The following RGS7BP variants were observed in gnomAD, a reference collection of about 807,000 sequenced individuals.
RGS7BP encodes the protein regulator of G protein signaling 7-binding protein.
In RGS7BP, 9 loss-of-function variants were observed where a neutral mutation model predicts 31.3. The observed-to-expected ratio is 0.29, with a 90% CI of 0.17 to 0.50. RGS7BP has a LOEUF of 0.50. Among genes scored for constraint, RGS7BP ranks in the 20% least tolerant of loss-of-function variants. RGS7BP has a pLI of 0.98. For missense variants in RGS7BP, 274 were observed against 322.0 expected (o/e 0.85, Z 1.14); for synonymous variants, 115 against 120.1 (o/e 0.96, Z 0.28).
chr5:64,604,770 T>C (rs920107693), intron 5 of RGS7BP, among the ~76,000 whole-genome samples: 4 of 152,132 alleles, frequency 2.6e-5, no homozygotes, highest in African/African-American at 9.7e-5. Flanking sequence ...AGTAGAAGCA[T>C]TCCTTATCAC....
At chr5:64,580,639 C>A (rs1389873921) in intron 3 of RGS7BP, among the ~76,000 whole-genome samples, 2 of 151,416 alleles carry the variant, frequency 1.3e-5, no homozygotes, top group East Asian at 3.9e-4. Context: ...CATATCTTAG[C>A]AAAAATGACC....
chr5:64,609,448 A>G lies in RGS7BP; in HGVS notation c.*196A>G. On this transcript the variant is annotated 3_prime_UTR_variant, in exon 6 of 6. Transcript: ENST00000334025. ...AGCTGCCGTCAAGAAAAAAAAGAAC[A>G]GATTCAAAAACCAGGCTGTTTTTAA... 5.4e-6 allele frequency: 3 copies of G among 551,902 alleles called. No homozygotes were observed. The highest frequency in any genetic ancestry group is 9.8e-6 in the Non-Finnish European group (3 of 306,654). 34.2% of individuals were successfully genotyped at this position (551,902 alleles called of 1,614,324 possible).
chr5:64,527,265 C>G (rs272641), intron 2 of RGS7BP, among the ~76,000 whole-genome samples: 99,327 of 152,112 alleles, frequency 0.65, 32,860 homozygotes, highest in East Asian at 0.95. Flanking sequence ...CCTAATCCTG[C>G]AGCAAATTAG....
chr5:64,544,786 C>T (rs1741611239), intron 2 of RGS7BP, among the ~76,000 whole-genome samples: 1 of 152,126 alleles, frequency 6.6e-6, no homozygotes, highest in African/African-American at 2.4e-5. Context: ...TGCAATAAAT[C>T]ATGGTATATT....
At chr5:64,510,540 G>A (rs73109032) in intron 2 of RGS7BP, among the ~76,000 whole-genome samples, 5,481 of 152,284 alleles carry the variant, frequency 0.036, 266 homozygotes, top group African/African-American at 0.11. Flanking sequence ...GACTGGAGGC[G>A]AGAGCAGGTA....
intron 2 of RGS7BP, among the ~76,000 whole-genome samples, chr5:64,574,675 A>C (rs928147772): frequency 2.0e-5 from 3 of 152,206 alleles, no homozygotes; most frequent in Non-Finnish European, 4.4e-5. Context: ...ATAAGTATTG[A>C]AAATGAAAAG....
chr5:64,545,563 A>G lies in RGS7BP; in HGVS notation c.333-30211A>G, dbSNP rs184145581. ...AATAAGTGAAAAGGGGGCAAAACTT[A>G]GGAGGATGCCTGCATAATTTATGTG... is the stretch of plus-strand genomic sequence containing the variant. On this transcript the variant is annotated intron_variant, in intron 2 of 5. Coordinates refer to ENST00000334025, the MANE Select transcript of RGS7BP (RefSeq NM_001029875.3). 1.1e-3 allele frequency among the ~76,000 whole-genome samples: 161 copies of G among 152,360 alleles called. 2 individuals are homozygous for G. The highest frequency in any genetic ancestry group is 3.5e-3 in the African/African-American group (144 of 41,592).
At chr5:64,576,927 T>C (rs1006621487) in intron 3 of RGS7BP, among the ~76,000 whole-genome samples, 5 of 152,186 alleles carry the variant, frequency 3.3e-5, no homozygotes, top group African/African-American at 1.2e-4. Flanking sequence ...AGGCTGTGCA[T>C]AGAAGGTAAT....
At position 64,561,932 on chromosome 5, in the gene RGS7BP, C is replaced by T. The variant is rs147083431; in HGVS notation, c.333-13842C>T. ...TTTCATTCTGTTTCACCTAATGGTG[C>T]ATTATAATTCATCATTAAGAAAGAA... On this transcript the variant is annotated intron_variant, in intron 2 of 5. Transcript: ENST00000334025. Among the ~76,000 whole-genome samples, 369 of 152,072 alleles carry T rather than the reference C, an allele frequency of 2.4e-3. 2 individuals are homozygous for T. Among genetic ancestry groups the T allele is most frequent in the Middle Eastern group, 6.8e-3 (2 of 294 alleles).
intron 2 of RGS7BP, among the ~76,000 whole-genome samples, chr5:64,559,534 G>A (rs1742003680): frequency 6.6e-6 from 1 of 152,132 alleles, no homozygotes; most frequent in Admixed American, 6.6e-5. Context: ...TTTCTTAAAT[G>A]TAAATATCTC....
intron 5 of RGS7BP, among the ~76,000 whole-genome samples, chr5:64,608,005 C>T (rs1220679905): frequency 1.3e-5 from 2 of 152,084 alleles, no homozygotes; most frequent in Non-Finnish European, 2.9e-5. Context: ...CTAACTTCTG[C>T]TTCTGTGCCC....
intron 3 of RGS7BP, among the ~76,000 whole-genome samples, chr5:64,582,874 G>A (rs985429026): frequency 6.6e-6 from 1 of 152,052 alleles, no homozygotes; most frequent in Non-Finnish European, 1.5e-5. Context: ...AAAGAAGCCA[G>A]CAAAATAAAG....
rs559507186 is a variant in RGS7BP, at chr5:64,522,414, T to G, written c.332+14537T>G. ...AACCAGAACATGATTCAGCCCTCAC[T>G]AAAGACTCTCTATATAGGGAAGAAC... On this transcript the variant is annotated intron_variant, in intron 2 of 5. Coordinates refer to ENST00000334025, the MANE Select transcript of RGS7BP (RefSeq NM_001029875.3). 3.3e-5 allele frequency among the ~76,000 whole-genome samples: 5 copies of G among 152,292 alleles called. No homozygotes were observed. In the Middle Eastern group the frequency reaches 0.014, roughly 414 times the overall value.
At position 64,510,276 on chromosome 5, in the gene RGS7BP, G is replaced by C. The variant is rs140328483; in HGVS notation, c.332+2399G>C. Among the ~76,000 whole-genome samples the C allele has an allele frequency of 1.3e-3, 205 of 152,312 alleles. 2 individuals carry two copies. Among genetic ancestry groups the C allele is most frequent in the African/African-American group, 4.2e-3 (174 of 41,578 alleles). ...AACTTGCCCAAAGTCACACAGCTAA[G>C]AAGTGACACAGCTTTGATTCAGCCC... On this transcript the variant is annotated intron_variant, in intron 2 of 5. Transcript: ENST00000334025.
chr5:64,539,719 G>A (rs887096176), intron 2 of RGS7BP: 7 of 152,136 alleles, frequency 4.6e-5, no homozygotes, highest in Admixed American at 3.3e-4. Context: ...CAGAACTCCT[G>A]CGCTGATCAT....
chr5:64,590,713 A>G (rs138246937), intron 3 of RGS7BP, among the ~76,000 whole-genome samples: 1 of 152,152 alleles, frequency 6.6e-6, no homozygotes, highest in Non-Finnish European at 1.5e-5. Flanking sequence ...AGTACAGTGA[A>G]GGAGAACTTT....
chr5:64,568,369 G>C (rs1231096502), intron 2 of RGS7BP, among the ~76,000 whole-genome samples: 1 of 152,040 alleles, frequency 6.6e-6, no homozygotes, highest in African/African-American at 2.4e-5. Flanking sequence ...GAGAATCAAA[G>C]GGAAAAATGG....
At chr5:64,527,532 C>T (rs56401513) in intron 2 of RGS7BP, among the ~76,000 whole-genome samples, 3,369 of 141,920 alleles carry the variant, frequency 0.024, 130 homozygotes, top group African/African-American at 0.083. Flanking sequence ...CTCTTGGTTG[C>T]GGTTTTCATA....
chr5:64,544,809 G>C (rs573322582), intron 2 of RGS7BP, among the ~76,000 whole-genome samples: 4 of 152,184 alleles, frequency 2.6e-5, no homozygotes, highest in Non-Finnish European at 5.9e-5. Context: ...ATCTAAGGCC[G>C]TAGTAATCAA....
Sources: allele counts gnomAD v4.1 joint callset (sites outside exome capture counted in the v4.1 genomes callset), GRCh38; gene constraint gnomAD v4.1.1; transcripts MANE v1.5; gene names NCBI Gene and HGNC (gene_info 2026-07-23, HGNC 2026-07-21).